The following FSHR variants were observed in gnomAD, a reference collection of about 807,000 sequenced individuals.
FSHR encodes follicle stimulating hormone receptor, also known as follicle-stimulating hormone receptor.
FSHR carries 46 observed loss-of-function variants against 52.1 expected under a neutral mutation model. That is an observed-to-expected ratio of 0.88 (90% confidence interval 0.70 to 1.13). The LOEUF is 1.13. FSHR is among the 50% of genes most tolerant of loss of function. The pLI is 0.00. For synonymous variants in FSHR, 399 were observed against 309.6 expected, an observed-to-expected ratio of 1.29 and a Z score of -3.03; for missense variants, 964 against 834.6, an observed-to-expected ratio of 1.16 and a Z score of -1.91.
chr2:48,995,323 A>G (rs1475903650), intron 4 of FSHR, among the ~76,000 whole-genome samples: 1 of 152,108 alleles, frequency 6.6e-6, no homozygotes, highest in East Asian at 1.9e-4. Flanking sequence ...ATGCTTTATG[A>G]GTTCAGGGAA....
At chr2:49,151,225 G>T (rs953452485) in intron 1 of FSHR, among the ~76,000 whole-genome samples, 18 of 144,408 alleles carry the variant, frequency 1.2e-4, no homozygotes, top group African/African-American at 4.7e-4. Flanking sequence ...AGATATAAAA[G>T]ATTCAAATTT....
intron 1 of FSHR, among the ~76,000 whole-genome samples, chr2:49,152,929 T>C (rs1250444854): frequency 6.6e-6 from 1 of 152,242 alleles, no homozygotes; most frequent in East Asian, 1.9e-4. Flanking sequence ...TATATTTACC[T>C]AATAAATCAG....
At chr2:49,050,684 G>A (rs1504175) in intron 2 of FSHR, among the ~76,000 whole-genome samples, 74,641 of 151,936 alleles carry the variant, frequency 0.49, 18,830 homozygotes, top group Non-Finnish European at 0.55. Flanking sequence ...TACAGTGTGA[G>A]TTAACTGAGA....
chr2:49,073,683 T>TA (rs917151743), intron 1 of FSHR, among the ~76,000 whole-genome samples: 2 of 151,872 alleles, frequency 1.3e-5, no homozygotes, highest in Non-Finnish European at 2.9e-5. Context: ...TTTATAGAAA[T>TA]AAAAAAACTT....
intron 1 of FSHR, among the ~76,000 whole-genome samples, chr2:49,098,701 T>C (rs1670915162): frequency 6.7e-6 from 1 of 148,492 alleles, no homozygotes. Context: ...TATGTGTACA[T>C]ATATCTATAT....
intron 2 of FSHR, among the ~76,000 whole-genome samples, chr2:49,033,151 A>G (rs559734572): frequency 2.0e-5 from 3 of 152,334 alleles, no homozygotes; most frequent in African/African-American, 4.8e-5. Context: ...TTAGACTGCA[A>G]TTGCTGACAA....
intron 1 of FSHR, among the ~76,000 whole-genome samples, chr2:49,074,808 G>A (rs975540651): frequency 1.3e-5 from 2 of 151,982 alleles, no homozygotes; most frequent in African/African-American, 4.8e-5. Context: ...AAGCAAATGC[G>A]GTATATATAC....
At chr2:49,125,642 C>T (rs557644314) in intron 1 of FSHR, among the ~76,000 whole-genome samples, 10 of 152,332 alleles carry the variant, frequency 6.6e-5, no homozygotes, top group African/African-American at 2.4e-4. Flanking sequence ...TGATGATATA[C>T]AGTCTCTGCT....
intron 2 of FSHR, among the ~76,000 whole-genome samples, chr2:49,034,575 A>T (rs541562481): frequency 6.6e-6 from 1 of 152,342 alleles, no homozygotes; most frequent in African/African-American, 2.4e-5. Context: ...TCTACTTCAT[A>T]TGATCAATGT....
intron 1 of FSHR, among the ~76,000 whole-genome samples, chr2:49,070,259 C>T (rs1207321069): frequency 1.3e-5 from 2 of 152,012 alleles, no homozygotes; most frequent in Non-Finnish European, 2.9e-5. Context: ...GTTTTGAACC[C>T]AAGCCTCAAA....
chr2:49,001,617 C>G (rs902434394), intron 4 of FSHR, among the ~76,000 whole-genome samples: 7 of 152,114 alleles, frequency 4.6e-5, no homozygotes, highest in African/African-American at 1.4e-4. Context: ...ACACCCTTCC[C>G]ACAACTCATT....
intron 1 of FSHR, among the ~76,000 whole-genome samples, chr2:49,101,728 T>A (rs1003377587): frequency 1.3e-5 from 2 of 151,992 alleles, no homozygotes; most frequent in Non-Finnish European, 2.9e-5. Flanking sequence ...ATCTGAAAAA[T>A]CCATAAACAA....
At chr2:49,134,396 A>G (rs1039613078) in intron 1 of FSHR, among the ~76,000 whole-genome samples, 2 of 152,232 alleles carry the variant, frequency 1.3e-5, no homozygotes, top group Non-Finnish European at 2.9e-5. Context: ...AATGGCGATC[A>G]TTAAAAAGTC....
chr2:49,119,615 T>A (rs1247642840), intron 1 of FSHR, among the ~76,000 whole-genome samples: 1 of 152,222 alleles, frequency 6.6e-6, no homozygotes. Flanking sequence ...CTTGCAGGAT[T>A]TTTGTACCAA....
chr2:48,984,046 C>A lies in FSHR; in HGVS notation c.525-880G>T, dbSNP rs144519619. Among the ~76,000 whole-genome samples the A allele has an allele frequency of 1.2e-3, 184 of 152,296 alleles. 1 individual carries two copies. Among genetic ancestry groups the A allele is most frequent in the African/African-American group, 4.1e-3 (169 of 41,550 alleles). The stretch of plus-strand genomic sequence containing the variant: ...CCTGCTCTTGTTTTGCTGTCAGGTT[C>A]TTTTCCCTGTCCAGCTTAGTGGGCT... On this transcript the variant is annotated intron_variant, in intron 6 of 9. Transcript: ENST00000406846.
chr2:49,027,309 G>A (rs1316373167), intron 2 of FSHR, among the ~76,000 whole-genome samples: 2 of 152,160 alleles, frequency 1.3e-5, no homozygotes, highest in African/African-American at 4.8e-5. Context: ...TTGGTCATAG[G>A]TCATCTGTTT....
chr2:49,134,773 G>A (rs1019249832), intron 1 of FSHR, among the ~76,000 whole-genome samples: 2 of 152,180 alleles, frequency 1.3e-5, no homozygotes, highest in Non-Finnish European at 2.9e-5. Context: ...TATGGACATG[G>A]ATGAAATTGG....
rs528550506 is a variant in FSHR at position 49,047,853 on chromosome 2, A to G, written c.224+20366T>C. On this transcript the variant is annotated intron_variant, in intron 2 of 9. Coordinates refer to ENST00000406846, the MANE Select transcript of FSHR (RefSeq NM_000145.4). ...ACTATCATTTCACAAATATGTACAC[A>G]TATCAAAACTTCAGGTTGTACAGCT... 1.5e-3 allele frequency among the ~76,000 whole-genome samples: 230 copies of G among 152,310 alleles called. 2 individuals are homozygous for G. The highest frequency in any genetic ancestry group is 5.2e-3 in the African/African-American group (217 of 41,572).
chr2:49,016,463 C>A (rs1667492781), intron 4 of FSHR, among the ~76,000 whole-genome samples: 3 of 152,092 alleles, frequency 2.0e-5, no homozygotes. Flanking sequence ...TCTCTTAGAA[C>A]CCTGGGATTA....
Sources: allele counts gnomAD v4.1 joint callset (sites outside exome capture counted in the v4.1 genomes callset), GRCh38; gene constraint gnomAD v4.1.1; transcripts MANE v1.5; gene names NCBI Gene and HGNC (gene_info 2026-07-23, HGNC 2026-07-21).